The following STAT3 variants were observed in gnomAD, a reference collection of about 807,000 sequenced individuals.
STAT3 encodes the protein DNA-binding protein APRF.
STAT3 carries 7 observed loss-of-function variants against 114.3 expected under a neutral mutation model. That is an observed-to-expected ratio of 0.06 (90% CI 0.03 to 0.11). The LOEUF is 0.11. Ranked by LOEUF, STAT3 falls within the 10% of genes least tolerant of loss-of-function variation. STAT3 has a pLI of 1.00. For missense variants in STAT3, 364 were observed against 960.9 expected, an observed-to-expected ratio of 0.38 and a Z score of 8.21; for synonymous variants, 331 against 354.5, an observed-to-expected ratio of 0.93 and a Z score of 0.74.
chr17:42,342,350 G>A (rs1224168144), intron 4 of STAT3, among the ~76,000 whole-genome samples: 1 of 152,084 alleles, frequency 6.6e-6, no homozygotes, highest in Non-Finnish European at 1.5e-5. Context: ...CAGTGTGGTG[G>A]CTCATGCCTG....
rs1015617238 is a variant in STAT3 at position 42,333,484 on chromosome 17, C to T, written c.1049+189G>A. 6.6e-6 allele frequency among the ~76,000 whole-genome samples: 1 copy of T among 152,138 alleles called. No homozygotes were observed. Among genetic ancestry groups the T allele is most frequent in the Non-Finnish European group, 1.5e-5 (1 of 68,040 alleles). On this transcript the variant is annotated intron_variant, in intron 10 of 23. Coordinates refer to ENST00000264657, the MANE Select transcript of STAT3 (RefSeq NM_139276.3). This position sits in a 1 kb window ranked among gnomAD's most constrained non-coding sequence, Gnocchi z 5.2. ...TGCCCAGGTACCTTCAAAAAGATGACTGCTCTTTTGCTTTTGACATCAGAA... is the reference window on the plus strand; with the variant it reads ...TGCCCAGGTACCTTCAAAAAGATGATTGCTCTTTTGCTTTTGACATCAGAA...
chr17:42,371,319 G>A (rs1287730573), intron 1 of STAT3, among the ~76,000 whole-genome samples: 2 of 152,020 alleles, frequency 1.3e-5, no homozygotes, highest in African/African-American at 2.4e-5. Flanking sequence ...AGCCCAGAGC[G>A]ACTGGGTGGA....
chr17:42,337,396 C>T lies in STAT3; in HGVS notation c.797+39G>A, dbSNP rs1167719188. 3 of 1,610,750 alleles carry T rather than the reference C, an allele frequency of 1.9e-6. No homozygotes were observed. Among genetic ancestry groups the T allele is most frequent in the South Asian group, 1.1e-5 (1 of 90,904 alleles). ...CAGTTAAGATCAGAATTCAATCTAGCTTTCGAGAAAGAAAGGAAAAGCTTC... is the reference window on the plus strand; with the variant it reads ...CAGTTAAGATCAGAATTCAATCTAGTTTTCGAGAAAGAAAGGAAAAGCTTC... On this transcript the variant is annotated intron_variant, in intron 8 of 23. Transcript: ENST00000264657. The surrounding 1 kb of genome is among the most constrained non-coding windows in gnomAD (Gnocchi z 4.0).
intron 1 of STAT3, chr17:42,386,880 AC>A: frequency 6.6e-6 from 1 of 152,244 alleles, no homozygotes; most frequent in African/African-American, 2.4e-5. Context: ...TGCAAACTGA[AC>A]AAAAACTGGG....
chr17:42,333,699 G>A lies in STAT3; in HGVS notation c.1023C>T (p.Thr341=), dbSNP rs777436789. 1.8e-5 allele frequency: 29 copies of A among 1,614,144 alleles called. No individual in the cohort carries two copies. Among genetic ancestry groups the A allele is most frequent in the Non-Finnish European group, 2.4e-5 (28 of 1,180,030 alleles). Residue 341 remains threonine, a synonymous_variant, in exon 10 of 24, where the codon ACC becomes ACT. Coordinates refer to ENST00000264657, the MANE Select transcript of STAT3 (RefSeq NM_139276.3). The surrounding 1 kb of genome is among the most constrained non-coding windows in gnomAD (Gnocchi z 5.2). ...MHPDRPLVIK[T]GVQFTTKVRL... ...TGACTTTAGTAGTGAACTGGACGCC[G>A]GTCTTGATGACGAGGGGCCGGTCAG...
chr17:42,365,748 C>T (rs753839081), intron 1 of STAT3, among the ~76,000 whole-genome samples: 31 of 151,358 alleles, frequency 2.0e-4, no homozygotes, highest in Admixed American at 2.0e-4. Context: ...CTCCACCTCC[C>T]GGGTTGAAGT....
intron 15 of STAT3, 91 bp from the exon 16 acceptor site, chr17:42,325,152 GA>G: frequency 1.6e-6 from 2 of 1,267,926 alleles, no homozygotes; most frequent in South Asian, 2.5e-5. Flanking sequence ...GGCTCAGAAT[GA>G]AAGGACATGC....
In STAT3 at chr17:42,314,190, T is replaced by A. The variant is rs1375933231; in HGVS notation, c.*1555A>T. 4.3e-6 allele frequency: 1 copy of A among 232,414 alleles called. No individual in the cohort carries two copies. The highest frequency in any genetic ancestry group is 8.5e-6 in the Non-Finnish European group (1 of 117,338). 14.4% of individuals were successfully genotyped at this position (232,414 alleles called of 1,614,324 possible). A position where few individuals can be genotyped will look rare whatever the true frequency, so the allele number is the denominator to read the frequency against. On this transcript the variant is annotated 3_prime_UTR_variant, in exon 24 of 24. Coordinates refer to ENST00000264657, the MANE Select transcript of STAT3 (RefSeq NM_139276.3). ...GAGGGAGGCCAGGTATACACCCTCA[T>A]ACGAGGGCAGACTCAAGTTTATCAG...
chr17:42,373,451 C>G (rs1290725190), intron 1 of STAT3, among the ~76,000 whole-genome samples: 1 of 152,094 alleles, frequency 6.6e-6, no homozygotes, highest in Admixed American at 6.6e-5. Context: ...ACTTAGGAGG[C>G]TGAGGCAGGA....
chr17:42,380,624 G>A (rs1285773659), intron 1 of STAT3, among the ~76,000 whole-genome samples: 1 of 150,148 alleles, frequency 6.7e-6, no homozygotes, highest in South Asian at 2.1e-4. Flanking sequence ...CCTGACCTCA[G>A]GTGATCCACC....
intron 1 of STAT3, among the ~76,000 whole-genome samples, chr17:42,377,534 T>A (rs933081369): frequency 1.3e-5 from 2 of 152,194 alleles, no homozygotes; most frequent in Non-Finnish European, 2.9e-5. Context: ...AATAACATGT[T>A]TGCATGCATA....
intron 1 of STAT3, among the ~76,000 whole-genome samples, chr17:42,367,443 C>T (rs981537399): frequency 2.3e-4 from 35 of 152,074 alleles, no homozygotes; most frequent in Non-Finnish European, 1.5e-5. Flanking sequence ...ATCCATTTTG[C>T]CCCAGATGTC....
At chr17:42,361,173 A>C (rs2083487856) in intron 1 of STAT3, among the ~76,000 whole-genome samples, 1 of 152,134 alleles carries the variant, frequency 6.6e-6, no homozygotes. Context: ...TGACAGTGGG[A>C]CCAGGTTTCA....
intron 14 of STAT3, among the ~76,000 whole-genome samples, chr17:42,327,465 G>A (rs912129030): frequency 2.0e-5 from 3 of 152,044 alleles, no homozygotes; most frequent in Admixed American, 6.6e-5. Context: ...TCACAGCTGC[G>A]GAGTATTCCA....
intron 14 of STAT3, among the ~76,000 whole-genome samples, chr17:42,326,990 A>G (rs1277977557): frequency 6.6e-6 from 1 of 152,190 alleles, no homozygotes; most frequent in East Asian, 1.9e-4. Context: ...CTTGCTCGGC[A>G]CTTACTCTCT....
At chr17:42,373,262 A>C (rs2084258796) in intron 1 of STAT3, among the ~76,000 whole-genome samples, 1 of 152,174 alleles carries the variant, frequency 6.6e-6, no homozygotes, top group African/African-American at 2.4e-5. Context: ...AGGCAGGAGA[A>C]TCACTTGAAC....
In STAT3 at chr17:42,373,884, C is replaced by CA. The variant is rs34354144; in HGVS notation, c.-24+14394dup. ...TGGGCAACAGAGCGAGACTCCGTCT[C>CA]AAAAAAAAAAAAAAAAAATTAATTG... On this transcript the variant is annotated intron_variant, in intron 1 of 23. Coordinates refer to ENST00000264657, the MANE Select transcript of STAT3 (RefSeq NM_139276.3). Among the ~76,000 whole-genome samples, 716 of 106,442 alleles carry CA rather than the reference C, an allele frequency of 6.7e-3. 4 individuals carry two copies. The highest frequency in any genetic ancestry group is 8.2e-3 in the African/African-American group (240 of 29,288). The allele number at this position is 106,442 out of a possible 152,430, so 69.8% of individuals were successfully genotyped here. A position where few individuals can be genotyped will look rare whatever the true frequency, so the allele number is the denominator to read the frequency against.
chr17:42,368,776 G>C (rs527254384), intron 1 of STAT3, among the ~76,000 whole-genome samples: 1 of 149,940 alleles, frequency 6.7e-6, no homozygotes, highest in Non-Finnish European at 1.5e-5. Context: ...GGGGTTACAC[G>C]TGCAAGTTTG....
intron 14 of STAT3, among the ~76,000 whole-genome samples, chr17:42,326,400 C>T (rs1264285855): frequency 1.3e-5 from 2 of 151,964 alleles, no homozygotes; most frequent in Non-Finnish European, 2.9e-5. Flanking sequence ...CCCAGCTACT[C>T]GAGAGGCTGA....
Sources: allele counts gnomAD v4.1 joint callset (sites outside exome capture counted in the v4.1 genomes callset), GRCh38; gene constraint gnomAD v4.1.1; non-coding constraint Gnocchi (gnomAD v3.1); transcripts MANE v1.5; gene names NCBI Gene and HGNC (gene_info 2026-07-23, HGNC 2026-07-21).